The following PHF20 variants were observed in gnomAD, a reference collection of about 807,000 sequenced individuals.
PHF20 encodes the protein PHD finger protein 20.
Under a neutral mutation model 113.5 loss-of-function variants are expected in PHF20, and 23 were observed. The ratio of observed to expected loss-of-function variants is 0.20; its 90% CI spans 0.15 to 0.29. The LOEUF (loss-of-function observed/expected upper bound fraction) is 0.29. PHF20 is among the 10% of genes least tolerant of loss of function. PHF20 has a pLI of 1.00. For missense variants in PHF20, 943 were observed against 1,219.6 expected (o/e 0.77, Z 3.38); for synonymous variants, 434 against 457.3 (o/e 0.95, Z 0.65).
intron 1 of PHF20, among the ~76,000 whole-genome samples, chr20:35,796,800 C>G (rs1357805551): frequency 3.3e-5 from 5 of 152,154 alleles, no homozygotes; most frequent in African/African-American, 1.2e-4. Flanking sequence ...TGCGTACATC[C>G]TGTTACTTTT....
chr20:35,923,028 TC>T (rs2055547969), intron 13 of PHF20, among the ~76,000 whole-genome samples: 1 of 152,156 alleles, frequency 6.6e-6, no homozygotes, highest in African/African-American at 2.4e-5. Context: ...GGTGGGTGGA[TC>T]ACTTAAGCCT....
At chr20:35,869,688 C>T in intron 7 of PHF20, 137 bp downstream of exon 7, 1 of 661,366 alleles carries the variant, frequency 1.5e-6, no homozygotes, top group Non-Finnish European at 2.7e-6. Flanking sequence ...GAGTTGGATG[C>T]AGTTGGATCA....
chr20:35,927,970 A>G, intron 14 of PHF20, 91 bp downstream of exon 14: 1 of 909,364 alleles, frequency 1.1e-6, no homozygotes, highest in Non-Finnish European at 1.8e-6. Context: ...TGCGGTCTTG[A>G]GACTCATTTC....
intron 13 of PHF20, among the ~76,000 whole-genome samples, chr20:35,927,269 G>A (rs1303217125): frequency 6.6e-6 from 1 of 152,234 alleles, no homozygotes; most frequent in African/African-American, 2.4e-5. Flanking sequence ...AGGGGTCTTA[G>A]TGAATTGGTT....
chr20:35,777,656 C>A (rs1223078684), intron 1 of PHF20, among the ~76,000 whole-genome samples: 1 of 152,090 alleles, frequency 6.6e-6, no homozygotes, highest in Non-Finnish European at 1.5e-5. Flanking sequence ...GTCTCTACTC[C>A]CCCACCAAAA....
In PHF20 at chr20:35,938,763, A is replaced by T; in HGVS notation, c.2367A>T (p.Arg789Ser). 6.2e-7 allele frequency: 1 copy of T among 1,613,668 alleles called. No individual in the cohort carries two copies. Residue 789 changes from arginine (R) to serine (S), a missense_variant, in exon 16 of 18, where the codon AGA (arginine) becomes AGT (serine). Arg to Ser is a moderately radical substitution (Grantham distance 110, BLOSUM62 -1). This residue lies in a region of PHF20 where 349 missense variants were observed against 412.3 expected (regional missense o/e 0.85). Coordinates refer to ENST00000374012, the MANE Select transcript of PHF20 (RefSeq NM_016436.5). ...GGAAACAGCACTCAGGGGAGGGGAG[A>T]TCTCATTTCAGAAACATCCCTGTCA... ...QPWKQHSGEGRSHFRNIPVTD... is the reference protein window; with the variant it reads ...QPWKQHSGEGSSHFRNIPVTD...
chr20:35,824,470 G>A (rs1039277511), intron 2 of PHF20, among the ~76,000 whole-genome samples: 25 of 151,920 alleles, frequency 1.6e-4, no homozygotes, highest in African/African-American at 6.1e-4. Flanking sequence ...AGCTGGGTGT[G>A]GTGGCATGTG....
chr20:35,812,561 T>C (rs1393733135), intron 2 of PHF20, among the ~76,000 whole-genome samples: 1 of 152,236 alleles, frequency 6.6e-6, no homozygotes, highest in Non-Finnish European at 1.5e-5. Flanking sequence ...TCTTGTATTC[T>C]CTTCTATTTC....
chr20:35,816,470 A>G (rs2042075126), intron 2 of PHF20, among the ~76,000 whole-genome samples: 3 of 145,856 alleles, frequency 2.1e-5, no homozygotes, highest in African/African-American at 2.5e-5. Flanking sequence ...TTTTTTTGAG[A>G]CGGAATTTTG....
intron 1 of PHF20, among the ~76,000 whole-genome samples, chr20:35,783,957 C>T (rs1469279364): frequency 2.0e-5 from 3 of 151,852 alleles, no homozygotes; most frequent in African/African-American, 7.3e-5. Context: ...TGCACTCTAG[C>T]CTGGGCAACA....
chr20:35,805,485 C>A (rs544152220), intron 2 of PHF20, among the ~76,000 whole-genome samples: 133 of 151,248 alleles, frequency 8.8e-4, no homozygotes, highest in African/African-American at 2.9e-3. Context: ...CGGGTTCACG[C>A]CATTCTCCTG....
intron 9 of PHF20, among the ~76,000 whole-genome samples, chr20:35,889,402 C>G (rs1444751670): frequency 6.6e-6 from 1 of 152,016 alleles, no homozygotes; most frequent in East Asian, 1.9e-4. Context: ...CACTCTGTCA[C>G]CCAGGCTGGA....
Position 35,805,354 on chromosome 20 carries a change from T to TTTATTATTATTA in PHF20, c.83+3782_83+3793dup, listed in dbSNP as rs3056929. ...AGGCACATGCCACCACGCCTGATTT[T>TTTATTATTATTA]TTATTATTATTATTATTATTATTAT... is the stretch of plus-strand genomic sequence containing the variant. On this transcript the variant is annotated intron_variant, in intron 2 of 17. Coordinates refer to ENST00000374012, the MANE Select transcript of PHF20 (RefSeq NM_016436.5). Among the ~76,000 whole-genome samples the TTTATTATTATTA allele has an allele frequency of 3.6e-3, 446 of 125,188 alleles. 4 individuals carry two copies. Among genetic ancestry groups the TTTATTATTATTA allele is most frequent in the South Asian group, 7.3e-3 (29 of 3,964 alleles). 82.1% of individuals were successfully genotyped at this position (125,188 alleles called of 152,430 possible).
At chr20:35,829,737 A>T (rs369383664) in intron 2 of PHF20, among the ~76,000 whole-genome samples, 1 of 151,846 alleles carries the variant, frequency 6.6e-6, no homozygotes, top group Non-Finnish European at 1.5e-5. Context: ...GCTCATGCCT[A>T]TAATCCCAGC....
intron 4 of PHF20, among the ~76,000 whole-genome samples, chr20:35,855,006 G>A (rs1006615717): frequency 2.0e-5 from 3 of 152,172 alleles, no homozygotes; most frequent in Admixed American, 2.0e-4. Flanking sequence ...TGTAAAAATG[G>A]CAGTTTTCAT....
At chr20:35,873,358 C>G (rs1036196399) in intron 9 of PHF20, among the ~76,000 whole-genome samples, 1 of 151,974 alleles carries the variant, frequency 6.6e-6, no homozygotes, top group Non-Finnish European at 1.5e-5. Flanking sequence ...ACCTCGGCCT[C>G]CCAAAGTGCT....
chr20:35,899,307 G>T, intron 9 of PHF20, 63 bp from the exon 10 acceptor site: 2 of 1,381,494 alleles, frequency 1.4e-6, no homozygotes, highest in Non-Finnish European at 2.0e-6. Flanking sequence ...ATGTGTTAAT[G>T]CATGTTTTGT....
intron 15 of PHF20, among the ~76,000 whole-genome samples, chr20:35,936,503 A>G (rs1447478042): frequency 6.6e-6 from 1 of 152,210 alleles, no homozygotes; most frequent in African/African-American, 2.4e-5. Flanking sequence ...TTATGTGCAC[A>G]TACATGGAGG....
At chr20:35,946,261 G>A (rs2056080960) in intron 17 of PHF20, among the ~76,000 whole-genome samples, 1 of 151,782 alleles carries the variant, frequency 6.6e-6, no homozygotes, top group African/African-American at 2.4e-5. Flanking sequence ...CTGAGGTCAG[G>A]AGTTTGAGAC....
Sources: gnomAD v4.1 joint callset for allele counts (sites outside exome capture counted in the v4.1 genomes callset) on GRCh38, gnomAD v4.1.1 for gene constraint, gnomAD v4.1.1 regional missense constraint, MANE v1.5 for transcripts, NCBI Gene and HGNC (gene_info 2026-07-23, HGNC 2026-07-21) for gene names.